Variants in CCSER1 observed in about 807,000 individuals in gnomAD.
CCSER1 encodes serine-rich coiled-coil domain-containing protein 1.
CCSER1 carries 41 observed loss-of-function variants against 82.0 expected under a neutral mutation model. That is an observed-to-expected ratio of 0.50 (90% CI 0.39 to 0.65). The LOEUF (loss-of-function observed/expected upper bound fraction) is 0.65. Among genes scored for constraint, CCSER1 ranks in the 30% least tolerant of loss-of-function variants. The pLI is 0.00. For missense variants in CCSER1, 1,119 were observed against 1,064.2 expected (o/e 1.05, Z -0.72); for synonymous variants, 414 against 383.9 (o/e 1.08, Z -0.92).
intron 4 of CCSER1, among the ~76,000 whole-genome samples, chr4:90,400,689 C>G (rs1752722993): frequency 1.3e-5 from 2 of 151,902 alleles, no homozygotes; most frequent in Non-Finnish European, 2.9e-5. Flanking sequence ...CTTGAGGGAG[C>G]CTGATATATT....
At chr4:91,237,198 A>G (rs912306426) in intron 10 of CCSER1, among the ~76,000 whole-genome samples, 6 of 151,942 alleles carry the variant, frequency 3.9e-5, no homozygotes, top group Non-Finnish European at 5.9e-5. Context: ...CTATTTTTAT[A>G]CCTGTCAATT....
chr4:90,309,128 TC>T lies in CCSER1; in HGVS notation c.847del (p.His283ThrfsTer44). 6.2e-7 allele frequency: 1 copy of T among 1,613,898 alleles called. No homozygotes were observed. Among genetic ancestry groups the T allele is most frequent in the Non-Finnish European group, 8.5e-7 (1 of 1,179,828 alleles). On this transcript the variant is annotated frameshift_variant, in exon 2 of 11. Coordinates refer to ENST00000509176, the MANE Select transcript of CCSER1 (RefSeq NM_001145065.2). LOFTEE classifies it high-confidence loss of function. ...DAFSKSGSMA[S>X]HCDNFGHNDS... ...ATTTTCTAAAAGTGGAAGCATGGCA[TC>T]CCACTGTGACAACTTTGGCCACAAT...
intron 5 of CCSER1, among the ~76,000 whole-genome samples, chr4:90,483,334 A>C (rs567847748): frequency 1.2e-4 from 19 of 152,308 alleles, no homozygotes; most frequent in African/African-American, 4.6e-4. Context: ...CCAATTTGCC[A>C]GTCTGTGTCT....
At chr4:91,281,677 T>G (rs1326983177) in intron 10 of CCSER1, among the ~76,000 whole-genome samples, 2 of 152,250 alleles carry the variant, frequency 1.3e-5, no homozygotes, top group Admixed American at 6.5e-5. Context: ...ATTCTGGACT[T>G]ACTTAATTGT....
rs990341185 is a variant in CCSER1, at chr4:90,914,777, T to G, written c.2095-8593T>G. 4.2e-5 allele frequency among the ~76,000 whole-genome samples: 6 copies of G among 142,500 alleles called. No individual in the cohort carries two copies. The South Asian group carries it at 1.3e-3, about 32-fold the overall frequency. 93.5% of individuals were successfully genotyped at this position (142,500 alleles called of 152,430 possible). A position where few individuals can be genotyped will look rare whatever the true frequency, so the allele number is the denominator to read the frequency against. ...ATTGATAGACCACTAGCAATACTAA[T>G]AAAGAAGAAAAGAGAGAAGATTCAA... On this transcript the variant is annotated intron_variant, in intron 8 of 10. Transcript: ENST00000509176.
At chr4:90,757,995 A>G (rs528959698) in intron 7 of CCSER1, among the ~76,000 whole-genome samples, 1 of 148,466 alleles carries the variant, frequency 6.7e-6, no homozygotes, top group East Asian at 2.0e-4. Flanking sequence ...CTGGAGTGCA[A>G]TGGTGCAATC....
chr4:90,960,634 T>C (rs940977933), intron 9 of CCSER1, among the ~76,000 whole-genome samples: 1 of 152,176 alleles, frequency 6.6e-6, no homozygotes, highest in African/African-American at 2.4e-5. Flanking sequence ...AATGCCTCAC[T>C]GCTGACCAAT....
chr4:91,578,672 G>A (rs975007673), intron 10 of CCSER1, among the ~76,000 whole-genome samples: 13 of 151,870 alleles, frequency 8.6e-5, no homozygotes, highest in Non-Finnish European at 1.9e-4. Flanking sequence ...GCACGCTGAT[G>A]GTTAAAATGT....
chr4:90,341,754 A>G (rs1439213328), intron 3 of CCSER1, among the ~76,000 whole-genome samples: 1 of 152,166 alleles, frequency 6.6e-6, no homozygotes, highest in African/African-American at 2.4e-5. Context: ...TGCACCAAAT[A>G]CAGTTAATAA....
At chr4:91,301,166 T>C (rs371445572) in intron 10 of CCSER1, among the ~76,000 whole-genome samples, 78 of 152,042 alleles carry the variant, frequency 5.1e-4, no homozygotes, top group African/African-American at 1.2e-3. Flanking sequence ...GTAAAAGTTA[T>C]GCAGAGTATG....
chr4:91,159,441 G>A (rs1395709949), intron 10 of CCSER1, among the ~76,000 whole-genome samples: 2 of 151,820 alleles, frequency 1.3e-5, no homozygotes, highest in Non-Finnish European at 2.9e-5. Context: ...ATAAATGCCA[G>A]TATTAAAAAC....
intron 5 of CCSER1, among the ~76,000 whole-genome samples, chr4:90,533,255 C>CT (rs1287223096): frequency 6.6e-5 from 10 of 151,776 alleles, no homozygotes; most frequent in Admixed American, 5.2e-4. Context: ...CCACGCCTGG[C>CT]AACTTTTTTT....
intron 8 of CCSER1, among the ~76,000 whole-genome samples, chr4:90,817,873 T>G (rs1759224023): frequency 2.6e-5 from 4 of 152,178 alleles, no homozygotes; most frequent in Admixed American, 2.6e-4. Context: ...ATAAATAACT[T>G]GTGACATTTT....
chr4:91,445,965 A>C (rs1238258446), intron 10 of CCSER1, among the ~76,000 whole-genome samples: 2 of 152,116 alleles, frequency 1.3e-5, no homozygotes, highest in Non-Finnish European at 2.9e-5. Context: ...TGATAATTAC[A>C]CTTAAGAAAT....
intron 10 of CCSER1, among the ~76,000 whole-genome samples, chr4:91,143,371 G>T (rs530347383): frequency 6.6e-6 from 1 of 152,024 alleles, no homozygotes; most frequent in African/African-American, 2.4e-5. Flanking sequence ...TCAGCTCTGG[G>T]TACCTTTTGG....
At chr4:90,253,057 T>C (rs1722676098) in intron 1 of CCSER1, among the ~76,000 whole-genome samples, 1 of 152,052 alleles carries the variant, frequency 6.6e-6, no homozygotes, top group Non-Finnish European at 1.5e-5. Context: ...ATTGGTGATA[T>C]GGTTGGATTT....
At chr4:90,947,433 C>G (rs1331930046) in intron 9 of CCSER1, among the ~76,000 whole-genome samples, 1 of 152,114 alleles carries the variant, frequency 6.6e-6, no homozygotes, top group Non-Finnish European at 1.5e-5. Context: ...CAATTTTTAA[C>G]ATATGACATA....
intron 7 of CCSER1, among the ~76,000 whole-genome samples, chr4:90,772,686 A>T (rs1752356504): frequency 6.6e-6 from 1 of 152,194 alleles, no homozygotes; most frequent in Non-Finnish European, 1.5e-5. Context: ...TCTAATCTGA[A>T]GTACATCCTG....
intron 3 of CCSER1, among the ~76,000 whole-genome samples, chr4:90,352,721 G>A (rs546714846): frequency 2.0e-5 from 3 of 151,718 alleles, no homozygotes; most frequent in East Asian, 1.9e-4. Context: ...GATAGTAACA[G>A]GTAGCATGAT....
Sources: gnomAD v4.1 joint callset for allele counts (sites outside exome capture counted in the v4.1 genomes callset) on GRCh38, gnomAD v4.1.1 for gene constraint, MANE v1.5 for transcripts, NCBI Gene and HGNC (gene_info 2026-07-23, HGNC 2026-07-21) for gene names.